URB1: variants seen among roughly 807,000 people sequenced by gnomAD.
URB1 encodes the protein URB1 ribosome biogenesis factor, also known as nucleolar pre-ribosomal-associated protein 1.
A neutral mutation model predicts 242.3 loss-of-function variants in URB1; 197 were observed. The observed-to-expected ratio is 0.81, with a 90% confidence interval of 0.72 to 0.91. The LOEUF is 0.91. Ranked by LOEUF, URB1 falls within the 40% of genes least tolerant of loss-of-function variation. The pLI is 0.00. For missense variants in URB1, 2,721 were observed against 2,860.5 expected, an observed-to-expected ratio of 0.95 and a Z score of 1.11; for synonymous variants, 1,153 against 1,201.8, an observed-to-expected ratio of 0.96 and a Z score of 0.84.
chr21:32,364,794 C>A (rs1303573463), intron 10 of URB1, among the ~76,000 whole-genome samples: 2 of 151,160 alleles, frequency 1.3e-5, no homozygotes, highest in Non-Finnish European at 1.5e-5. Context: ...AGAAATAAAA[C>A]AAAAAAAAAC....
chr21:32,330,202 T>TC (rs2032877655), intron 30 of URB1, among the ~76,000 whole-genome samples: 1 of 124,478 alleles, frequency 8.0e-6, no homozygotes, highest in Non-Finnish European at 1.5e-5. Context: ...GGAGTGTTTT[T>TC]TTTTTTTTTT....
At chr21:32,382,644 G>A (rs1360900857) in intron 4 of URB1, among the ~76,000 whole-genome samples, 4 of 152,068 alleles carry the variant, frequency 2.6e-5, no homozygotes, top group African/African-American at 7.2e-5. Context: ...TATTCTTTAC[G>A]TTCAGGAAGA....
chr21:32,344,161 A>G (rs183253333), intron 24 of URB1, among the ~76,000 whole-genome samples: 1 of 152,338 alleles, frequency 6.6e-6, no homozygotes, highest in African/African-American at 2.4e-5. Context: ...CAGATGCAAA[A>G]ATTCTTAATG....
intron 1 of URB1, among the ~76,000 whole-genome samples, chr21:32,390,530 T>A: frequency 6.6e-6 from 1 of 152,128 alleles, no homozygotes. Flanking sequence ...TAGCCCTTTG[T>A]CAGATGAGTA....
At position 32,318,025 on chromosome 21, in the gene URB1, C is replaced by T. The variant is rs1010520107; in HGVS notation, c.5793-108G>A. On this transcript the variant is annotated intron_variant, in intron 36 of 38. Transcript: ENST00000382751. Reference sequence around the variant, plus strand: ...ACACACCCAGAGGTGCACACAGTCCCTCCAGGAACCAGGTTTTCCTGCACA... The same window carrying T: ...ACACACCCAGAGGTGCACACAGTCCTTCCAGGAACCAGGTTTTCCTGCACA... 6 of 1,410,406 alleles carry T rather than the reference C, an allele frequency of 4.3e-6. No individual in the cohort carries two copies. The African/African-American group carries it at 8.6e-5, about 20-fold the overall frequency. The allele number at this position is 1,410,406 out of a possible 1,614,324, so 87.4% of individuals were successfully genotyped here. A position where few individuals can be genotyped will look rare whatever the true frequency, so the allele number is the denominator to read the frequency against.
In URB1 at chr21:32,349,373, G is replaced by A. The variant is rs1401501760; in HGVS notation, c.2943C>T (p.Ala981=). 3.2e-5 allele frequency: 50 copies of A among 1,551,330 alleles called. No individual in the cohort carries two copies. The highest frequency in any genetic ancestry group is 1.1e-4 in the African/African-American group (8 of 73,042). The change falls in exon 21 of 39, where the codon GCC becomes GCT. Residue 981 remains alanine, a synonymous_variant. Coordinates refer to ENST00000382751, the MANE Select transcript of URB1 (RefSeq NM_014825.3). The stretch of plus-strand genomic sequence containing the variant: ...GGAAGAGGTCGGCTTCGGCCCGGGC[G>A]GCCTCGCATCTCTGCTGGTTCTGGG... The part of the protein sequence containing the change: ...LDAQNQQRCE[A]ARAEADLFLD...
At chr21:32,371,119 G>A (rs912805145) in intron 8 of URB1, among the ~76,000 whole-genome samples, 1 of 152,220 alleles carries the variant, frequency 6.6e-6, no homozygotes, top group African/African-American at 2.4e-5. Flanking sequence ...CTGAAGTGGT[G>A]AGGTCTGCAC....
At chr21:32,341,633 T>A in intron 24 of URB1, 109 bp from the exon 25 acceptor site, 1 of 945,290 alleles carries the variant, frequency 1.1e-6, no homozygotes, top group Non-Finnish European at 1.6e-6. Context: ...ATGGCCTGAC[T>A]ACCTCCTCTG....
Position 32,337,350 on chromosome 21 carries a change from C to A in URB1, c.4621+54G>T, listed in dbSNP as rs987796236. On this transcript the variant is annotated intron_variant, in intron 27 of 38. Transcript: ENST00000382751. Reference sequence around the variant, plus strand: ...TCTCATTCCCTATCTCTGCTCACACCCCCGGCCCTCACTCCCTCCCCCTGC... The same window carrying A: ...TCTCATTCCCTATCTCTGCTCACACACCCGGCCCTCACTCCCTCCCCCTGC... 6.1e-6 allele frequency: 9 copies of A among 1,486,818 alleles called. No individual in the cohort carries two copies. The African/African-American group carries it at 1.3e-4, about 21-fold the overall frequency. The allele number at this position is 1,486,818 out of a possible 1,614,324, so 92.1% of individuals were successfully genotyped here.
In URB1 at chr21:32,314,534, A is replaced by G; in HGVS notation, c.*384T>C. 1 of 1,608,146 alleles carries G rather than the reference A, an allele frequency of 6.2e-7. No homozygotes were observed. Among genetic ancestry groups the G allele is most frequent in the South Asian group, 1.1e-5 (1 of 90,978 alleles). ...TTCGTTTTCATAAAAAAAATCTGATACCTTTTGACATTTCAGCTTTAACAC... is the reference window on the plus strand; with the variant it reads ...TTCGTTTTCATAAAAAAAATCTGATGCCTTTTGACATTTCAGCTTTAACAC... On this transcript the variant is annotated 3_prime_UTR_variant, in exon 39 of 39. Transcript: ENST00000382751.
At chr21:32,365,480 T>A (rs1347640635) in intron 10 of URB1, among the ~76,000 whole-genome samples, 1 of 151,550 alleles carries the variant, frequency 6.6e-6, no homozygotes, top group East Asian at 1.9e-4. Context: ...TAATAAAAAA[T>A]AAAAATAAAT....
At chr21:32,354,201 G>A (rs944698985) in intron 17 of URB1, 98 bp from the exon 18 acceptor site, 11 of 1,392,574 alleles carry the variant, frequency 7.9e-6, no homozygotes, top group African/African-American at 7.3e-5. Context: ...CGTGCAAAAA[G>A]AAAAAAGCCA....
At chr21:32,336,289 A>G (rs1413234489) in intron 28 of URB1, among the ~76,000 whole-genome samples, 1 of 152,130 alleles carries the variant, frequency 6.6e-6, no homozygotes, top group Non-Finnish European at 1.5e-5. Flanking sequence ...CTTTAAACAA[A>G]GTACTTTGAC....
At chr21:32,334,139 G>C (rs1369608446) in intron 29 of URB1, 24 bp downstream of exon 29, 1 of 1,523,350 alleles carries the variant, frequency 6.6e-7, no homozygotes, top group Admixed American at 2.0e-5. Flanking sequence ...GGGGTGGGTA[G>C]GGACAGAACA....
At chr21:32,321,983 G>GA (rs2032773196) in intron 33 of URB1, 39 bp from the exon 34 acceptor site, 2 of 1,543,478 alleles carry the variant, frequency 1.3e-6, no homozygotes, top group African/African-American at 2.7e-5. Flanking sequence ...GTTAATAAGT[G>GA]AAAGTCCTTT....
intron 19 of URB1, among the ~76,000 whole-genome samples, chr21:32,352,284 A>G (rs1408922199): frequency 6.6e-6 from 1 of 152,138 alleles, no homozygotes; most frequent in African/African-American, 2.4e-5. Flanking sequence ...CCCAACTTTA[A>G]CAGAAGAGAC....
At chr21:32,368,266 T>C in intron 9 of URB1, 137 bp downstream of exon 9, 1 of 542,444 alleles carries the variant, frequency 1.8e-6, no homozygotes, top group Non-Finnish European at 2.8e-6. Context: ...ACAGGTTTCG[T>C]CACGTTGGCC....
chr21:32,347,928 C>T (rs1374580020), intron 21 of URB1, 117 bp from the exon 22 acceptor site: 1 of 1,405,348 alleles, frequency 7.1e-7, no homozygotes, highest in East Asian at 2.5e-5. Context: ...AGGCCCCTTT[C>T]CTAATCCATT....
At chr21:32,391,291 G>A (rs575924557) in intron 1 of URB1, among the ~76,000 whole-genome samples, 28 of 151,772 alleles carry the variant, frequency 1.8e-4, no homozygotes, top group Non-Finnish European at 3.2e-4. Context: ...ATGGGTGCAG[G>A]ACACCAACAT....
Sources: gnomAD v4.1 joint callset for allele counts (sites outside exome capture counted in the v4.1 genomes callset) on GRCh38, gnomAD v4.1.1 for gene constraint, MANE v1.5 for transcripts, NCBI Gene and HGNC (gene_info 2026-07-23, HGNC 2026-07-21) for gene names.